Variants in PCDHGB3 observed in about 807,000 individuals in gnomAD.
PCDHGB3 encodes the protein protocadherin gamma-B3.
A neutral mutation model predicts 59.2 loss-of-function variants in PCDHGB3; 40 were observed. The ratio of observed to expected loss-of-function variants is 0.68; its 90% CI spans 0.52 to 0.88. The LOEUF (loss-of-function observed/expected upper bound fraction) is 0.88. PCDHGB3 is among the 40% of genes least tolerant of loss of function. The probability of loss-of-function intolerance (pLI) is 0.00; values close to 1 mark genes in which losing one functional copy is unlikely to be tolerated. For missense variants in PCDHGB3, 1,309 were observed against 1,187.9 expected (o/e 1.10, Z -1.50); for synonymous variants, 581 against 503.6 (o/e 1.15, Z -2.06).
intron 2 of PCDHGB3, among the ~76,000 whole-genome samples, chr5:141,505,066 G>A (rs1312509903): frequency 6.6e-6 from 1 of 152,190 alleles, no homozygotes; most frequent in Non-Finnish European, 1.5e-5. Flanking sequence ...GGAGACTGAG[G>A]CAGGAGAATC....
intron 1 of PCDHGB3, chr5:141,409,940 C>G: frequency 6.2e-7 from 1 of 1,613,236 alleles, no homozygotes. Flanking sequence ...TATGGTACCT[C>G]GCTCTGCAGA....
intron 1 of PCDHGB3, among the ~76,000 whole-genome samples, chr5:141,380,195 C>T (rs1248752838): frequency 6.6e-5 from 10 of 152,092 alleles, no homozygotes; most frequent in African/African-American, 2.4e-4. Flanking sequence ...CCACTGAGCC[C>T]GGCCTGAAAG....
In PCDHGB3 at chr5:141,476,762, G is replaced by A. The variant is rs1338892879; in HGVS notation, c.2416-18045G>A. The A allele has an allele frequency of 6.2e-7, 1 of 1,613,848 alleles. No individual in the cohort carries two copies. ...GCCTAGTCTCCAGTTAGTGCTGACG[G>A]CGTTGGACGGAGGGACCCCAGCTCT... On this transcript the variant is annotated intron_variant, in intron 1 of 3. Coordinates refer to ENST00000576222, the MANE Select transcript of PCDHGB3 (RefSeq NM_018924.5). The surrounding 1 kb of genome is among the most constrained non-coding windows in gnomAD (Gnocchi z 7.6).
intron 1 of PCDHGB3, chr5:141,395,509 G>C (rs59251876): frequency 0.091 from 39,157 of 428,204 alleles, 2,522 homozygotes; most frequent in African/African-American, 0.18. Flanking sequence ...TTAAGAAGTA[G>C]CTACCCGTCC....
Position 141,432,394 on chromosome 5 carries a change from C to T in PCDHGB3, c.2415+59585C>T, listed in dbSNP as rs149830124. The T allele has an allele frequency of 1.7e-5, 27 of 1,614,260 alleles. No individual in the cohort carries two copies. The African/African-American group carries it at 2.7e-4, about 16-fold the overall frequency. On this transcript the variant is annotated intron_variant, in intron 1 of 3. Transcript: ENST00000576222. The surrounding 1 kb of genome is among the most constrained non-coding windows in gnomAD (Gnocchi z 6.0). ...ACGGGCACCCGCCCCTCAGCAGCAA[C>T]GTGTCGTTGAGCCTGTTCGTGCTGG...
At chr5:141,428,147 G>A (rs771536400) in intron 1 of PCDHGB3, 2 of 1,589,610 alleles carry the variant, frequency 1.3e-6, no homozygotes, top group Admixed American at 1.7e-5. Context: ...GGCTGCACAC[G>A]GGAACCTGCT....
At position 141,431,034 on chromosome 5, in the gene PCDHGB3, G is replaced by C. The variant is rs372312860; in HGVS notation, c.2415+58225G>C. 2.5e-6 allele frequency: 4 copies of C among 1,613,992 alleles called. No homozygotes were observed. The highest frequency in any genetic ancestry group is 2.7e-5 in the African/African-American group (2 of 74,938). On this transcript the variant is annotated intron_variant, in intron 1 of 3. Coordinates refer to ENST00000576222, the MANE Select transcript of PCDHGB3 (RefSeq NM_018924.5). The surrounding 1 kb of genome is among the most constrained non-coding windows in gnomAD (Gnocchi z 4.8). ...TTGGTCACGGCGGGCAGGATAGACC[G>C]GGAGGAGCTCTGTATGGGGGCCATC...
At chr5:141,494,682 C>G (rs1282135022) in intron 1 of PCDHGB3, 125 bp from the exon 2 acceptor site, 16 of 1,564,362 alleles carry the variant, frequency 1.0e-5, no homozygotes, top group African/African-American at 1.4e-5. Context: ...ACCCCTGCCC[C>G]CTCTTAGTCC....
rs767547572 is a variant in PCDHGB3 at position 141,505,495 on chromosome 5, G to C, written c.2563+14G>C. On this transcript the variant is annotated intron_variant, in intron 3 of 3. Coordinates refer to ENST00000576222, the MANE Select transcript of PCDHGB3 (RefSeq NM_018924.5). The stretch of plus-strand genomic sequence containing the variant: ...CGTCCGCCAGTGGTAAGTGGTGTCA[G>C]TGTGTGTATGGAAGAGTGGGAGACC... 5 of 1,614,210 alleles carry C rather than the reference G, an allele frequency of 3.1e-6. No individual in the cohort carries two copies. Among genetic ancestry groups the C allele is most frequent in the Non-Finnish European group, 4.2e-6 (5 of 1,180,000 alleles).
intron 1 of PCDHGB3, among the ~76,000 whole-genome samples, chr5:141,471,998 A>T (rs938492822): frequency 5.3e-5 from 8 of 152,276 alleles, no homozygotes; most frequent in South Asian, 2.1e-4. Context: ...AAATCCCTGC[A>T]TCGTATAGGG....
intron 1 of PCDHGB3, chr5:141,383,835 T>C (rs950729427): frequency 4.3e-6 from 7 of 1,613,802 alleles, no homozygotes; most frequent in Admixed American, 1.7e-5. Flanking sequence ...ATGAAGAAAC[T>C]GCCTTCTATG....
chr5:141,494,185 GAC>G (rs2099752607), intron 1 of PCDHGB3, among the ~76,000 whole-genome samples: 1 of 152,154 alleles, frequency 6.6e-6, no homozygotes, highest in Non-Finnish European at 1.5e-5. Context: ...AGTGTCCCGG[GAC>G]TTGGATGCCC....
intron 2 of PCDHGB3, among the ~76,000 whole-genome samples, chr5:141,497,522 G>A (rs998999424): frequency 3.3e-5 from 5 of 150,848 alleles, no homozygotes; most frequent in African/African-American, 4.9e-5. Flanking sequence ...TAGTTAACTT[G>A]TGGAGGATGC....
At position 141,405,363 on chromosome 5, in the gene PCDHGB3, C is replaced by T. The variant is rs765508317; in HGVS notation, c.2415+32554C>T. The T allele has an allele frequency of 2.0e-5, 33 of 1,613,690 alleles. No individual in the cohort carries two copies. The highest frequency in any genetic ancestry group is 2.7e-5 in the African/African-American group (2 of 74,888). On this transcript the variant is annotated intron_variant, in intron 1 of 3. Coordinates refer to ENST00000576222, the MANE Select transcript of PCDHGB3 (RefSeq NM_018924.5). ...GATTCCAAGTTTCCTATAGAAGACACCCCTTTGGTTCCGGTGAGTTCATTT... is the reference window on the plus strand; with the variant it reads ...GATTCCAAGTTTCCTATAGAAGACATCCCTTTGGTTCCGGTGAGTTCATTT...
chr5:141,373,898 A>G (rs1039826496), intron 1 of PCDHGB3: 7 of 541,044 alleles, frequency 1.3e-5, no homozygotes, highest in African/African-American at 1.2e-4. Context: ...CTCAAGTTAC[A>G]TCCTCCAACA....
chr5:141,453,101 T>TTTTTGTTTTG (rs879618609), intron 1 of PCDHGB3, among the ~76,000 whole-genome samples: 1 of 152,012 alleles, frequency 6.6e-6, no homozygotes, highest in Non-Finnish European at 1.5e-5. Flanking sequence ...TTCTGTTGCT[T>TTTTTGTTTTG]TTTTGTTTTG....
intron 1 of PCDHGB3, chr5:141,410,439 G>C: frequency 6.2e-7 from 1 of 1,614,008 alleles, no homozygotes; most frequent in Non-Finnish European, 8.5e-7. Context: ...TACAGTGAGG[G>C]GACTTTGCCT....
intron 1 of PCDHGB3, chr5:141,385,468 A>G: frequency 1.4e-6 from 2 of 1,440,194 alleles, no homozygotes; most frequent in Non-Finnish European, 1.8e-6. Context: ...TTCAGTGGTG[A>G]CACTTTAATA....
chr5:141,392,658 C>T, intron 1 of PCDHGB3: 1 of 778,114 alleles, frequency 1.3e-6, no homozygotes, highest in Non-Finnish European at 1.9e-6. Context: ...CCGCAGATGC[C>T]ACAAACTAAC....
Sources: gnomAD v4.1 joint callset for allele counts (sites outside exome capture counted in the v4.1 genomes callset) on GRCh38, gnomAD v4.1.1 for gene constraint, Gnocchi (gnomAD v3.1) non-coding constraint, MANE v1.5 for transcripts, NCBI Gene and HGNC (gene_info 2026-07-23, HGNC 2026-07-21) for gene names.